Variants in NPAS3 observed in about 807,000 individuals in gnomAD.
NPAS3 encodes neuronal PAS domain protein 3.
Under a neutral mutation model 73.1 loss-of-function variants are expected in NPAS3, and 14 were observed. The observed-to-expected ratio is 0.19, with a 90% CI of 0.13 to 0.30. The LOEUF is 0.30. Ranked by LOEUF, NPAS3 falls within the 10% of genes least tolerant of loss-of-function variation. The probability of loss-of-function intolerance (pLI) is 1.00; values close to 1 mark genes in which losing one functional copy is unlikely to be tolerated. For synonymous variants in NPAS3, 620 were observed against 541.5 expected (o/e 1.14, Z -2.01); for missense variants, 1,096 against 1,250.0 (o/e 0.88, Z 1.86).
At chr14:33,790,027 C>T (rs1364079576) in intron 9 of NPAS3, among the ~76,000 whole-genome samples, 1 of 152,126 alleles carries the variant, frequency 6.6e-6, no homozygotes, top group Admixed American at 6.5e-5. Flanking sequence ...GAAAAGATGC[C>T]AGGTTACATG....
chr14:33,083,601 A>G (rs2041931922), intron 2 of NPAS3, among the ~76,000 whole-genome samples: 1 of 152,190 alleles, frequency 6.6e-6, no homozygotes, highest in Non-Finnish European at 1.5e-5. Context: ...GTTCAAACAA[A>G]TTCTATGCTC....
chr14:33,747,829 C>T (rs751004360), intron 7 of NPAS3, among the ~76,000 whole-genome samples: 1 of 152,196 alleles, frequency 6.6e-6, no homozygotes, highest in African/African-American at 2.4e-5. Context: ...TATATATTGT[C>T]CTGAGATATT....
chr14:33,162,672 C>CA (rs72478064), intron 2 of NPAS3, among the ~76,000 whole-genome samples: 15,557 of 147,426 alleles, frequency 0.11, 849 homozygotes, highest in African/African-American at 0.14. Flanking sequence ...TAAAAACAAG[C>CA]AAAAAAAAAA....
intron 7 of NPAS3, among the ~76,000 whole-genome samples, chr14:33,756,058 C>A (rs796476027): frequency 4.7e-4 from 71 of 152,292 alleles, no homozygotes; most frequent in African/African-American, 1.6e-3. Context: ...CATTGAGGAT[C>A]TAATTTCAAC....
At chr14:33,265,966 A>T (rs779088992) in intron 3 of NPAS3, among the ~76,000 whole-genome samples, 1 of 151,310 alleles carries the variant, frequency 6.6e-6, no homozygotes. Context: ...TTACATATGT[A>T]TATGCACTTA....
intron 5 of NPAS3, among the ~76,000 whole-genome samples, chr14:33,644,965 C>G (rs892303433): frequency 1.3e-5 from 2 of 151,568 alleles, no homozygotes; most frequent in African/African-American, 4.8e-5. Flanking sequence ...CCTGTAATCC[C>G]AGCTACTTGG....
At chr14:33,763,753 A>G (rs1293826666) in intron 7 of NPAS3, among the ~76,000 whole-genome samples, 1 of 152,186 alleles carries the variant, frequency 6.6e-6, no homozygotes, top group Non-Finnish European at 1.5e-5. Flanking sequence ...TATTACTTTA[A>G]GAGTTCCAGA....
intron 6 of NPAS3, among the ~76,000 whole-genome samples, chr14:33,723,858 A>T (rs983647836): frequency 2.6e-5 from 4 of 152,184 alleles, no homozygotes; most frequent in Admixed American, 2.0e-4. Flanking sequence ...TGTACCCCTC[A>T]GCTCAAGGAG....
chr14:33,460,361 G>A (rs2050206926), intron 4 of NPAS3, among the ~76,000 whole-genome samples: 1 of 152,088 alleles, frequency 6.6e-6, no homozygotes, highest in Non-Finnish European at 1.5e-5. Flanking sequence ...AAGTAGGCTG[G>A]CTACCAACAT....
intron 2 of NPAS3, among the ~76,000 whole-genome samples, chr14:33,125,157 G>C (rs2043379591): frequency 6.6e-6 from 1 of 152,060 alleles, no homozygotes; most frequent in Non-Finnish European, 1.5e-5. Flanking sequence ...TGCTTGGCAT[G>C]TAATGGGTGC....
At position 33,800,432 on chromosome 14, in the gene NPAS3, G is replaced by T. The variant is rs781014114; in HGVS notation, c.2125G>T (p.Val709Leu). The change falls in exon 12 of 12, where the codon GTG becomes TTG. Residue 709 changes from valine to leucine, a missense_variant. By Grantham distance (32) the Val-to-Leu change is conservative. Around this residue, in one of 5 missense-constraint regions of NPAS3, gnomAD observed 698 missense variants for 676.7 expected, o/e 1.03. Coordinates refer to ENST00000356141, the Ensembl canonical transcript of NPAS3. This position sits in a 1 kb window ranked among gnomAD's most constrained non-coding sequence, Gnocchi z 6.5. ...GGGTGGCGGTGGCGGGGGGCTGCAC[G>T]TGGCCATTCCCGACTCGGTCCTCAC... 2 of 1,585,956 alleles carry T rather than the reference G, an allele frequency of 1.3e-6. No homozygotes were observed. The highest frequency in any genetic ancestry group is 1.7e-6 in the Non-Finnish European group (2 of 1,170,152).
intron 6 of NPAS3, among the ~76,000 whole-genome samples, chr14:33,683,216 T>G (rs962168125): frequency 1.3e-5 from 2 of 151,916 alleles, no homozygotes; most frequent in African/African-American, 4.8e-5. Context: ...GTTCTCTCAG[T>G]TTATATGCAG....
intron 1 of NPAS3, among the ~76,000 whole-genome samples, chr14:33,010,987 CT>C (rs914616299): frequency 1.3e-5 from 2 of 150,848 alleles, no homozygotes; most frequent in South Asian, 2.1e-4. Flanking sequence ...AATGTGAGCT[CT>C]AAATACATTT....
intron 3 of NPAS3, among the ~76,000 whole-genome samples, chr14:33,360,900 G>A (rs915287863): frequency 6.6e-6 from 1 of 152,054 alleles, no homozygotes; most frequent in African/African-American, 2.4e-5. Flanking sequence ...TCTGTCCTCC[G>A]AGACGTTGAC....
At chr14:33,286,644 G>A (rs2041887538) in intron 3 of NPAS3, among the ~76,000 whole-genome samples, 1 of 152,048 alleles carries the variant, frequency 6.6e-6, no homozygotes, top group African/African-American at 2.4e-5. Context: ...ATGATAGCAT[G>A]AATGTGAGGG....
intron 5 of NPAS3, among the ~76,000 whole-genome samples, chr14:33,600,515 TA>T (rs1175380220): frequency 2.0e-5 from 3 of 152,162 alleles, no homozygotes; most frequent in African/African-American, 7.2e-5. Context: ...GTATATAGAA[TA>T]AATAGTATTA....
In NPAS3 at chr14:33,114,477, A is replaced by G. The variant is rs549598782; in HGVS notation, c.140+58483A>G. ...GCTGCTGAGAATCTGTGAGACACTAATATGTTGTAAGGTTACTGCCTTATG... is the reference window on the plus strand; with the variant it reads ...GCTGCTGAGAATCTGTGAGACACTAGTATGTTGTAAGGTTACTGCCTTATG... On this transcript the variant is annotated intron_variant, in intron 2 of 11. Coordinates refer to ENST00000356141, the Ensembl canonical transcript of NPAS3. Among the ~76,000 whole-genome samples the G allele has an allele frequency of 8.6e-4, 131 of 152,324 alleles. 5 individuals carry two copies. In the South Asian group the frequency reaches 0.026, roughly 30 times the overall value.
chr14:32,998,294 G>A (rs772320308), intron 1 of NPAS3, among the ~76,000 whole-genome samples: 7 of 152,202 alleles, frequency 4.6e-5, no homozygotes, highest in Non-Finnish European at 8.8e-5. Context: ...CATATGCTAT[G>A]ATTTCATTTA....
At chr14:33,311,044 A>G (rs762221796) in intron 3 of NPAS3, among the ~76,000 whole-genome samples, 1 of 152,138 alleles carries the variant, frequency 6.6e-6, no homozygotes, top group Non-Finnish European at 1.5e-5. Context: ...GTGAAAACAC[A>G]AAACTGACCT....
Sources: allele counts gnomAD v4.1 joint callset (sites outside exome capture counted in the v4.1 genomes callset), GRCh38; gene constraint gnomAD v4.1.1; regional missense constraint gnomAD v4.1.1; non-coding constraint Gnocchi (gnomAD v3.1); transcripts MANE v1.5; gene names NCBI Gene and HGNC (gene_info 2026-07-23, HGNC 2026-07-21).